LDB3: variants seen among roughly 807,000 people sequenced by gnomAD.
The protein encoded by LDB3 is LIM domain-binding protein 3.
A neutral mutation model predicts 69.0 loss-of-function variants in LDB3; 49 were observed. The observed-to-expected ratio is 0.71, with a 90% CI of 0.56 to 0.90. The LOEUF is 0.90. Ranked by LOEUF, LDB3 falls within the 40% of genes least tolerant of loss-of-function variation. LDB3 has a pLI of 0.00. For missense variants in LDB3, 928 were observed against 974.1 expected, an observed-to-expected ratio of 0.95 and a Z score of 0.63; for synonymous variants, 387 against 396.2, an observed-to-expected ratio of 0.98 and a Z score of 0.28.
upstream of LDB3, chr10:86,666,884 G>T (rs1381860359): frequency 2.1e-6 from 1 of 469,412 alleles, no homozygotes. Flanking sequence ...CCTGAGGGTG[G>T]GTGCCTTCCT....
At position 86,718,058 on chromosome 10, in the gene LDB3, GA is replaced by G. The variant is rs776530913; in HGVS notation, c.1773del (p.Glu592SerfsTer30). The G allele has an allele frequency of 6.2e-7, 1 of 1,614,170 alleles. No individual in the cohort carries two copies. The highest frequency in any genetic ancestry group is 1.3e-5 in the African/African-American group (1 of 75,028). ...TTCCCTGGCAGATGTGTGCTTTGTG[GA>G]AGAGCAGAACAACGTTTACTGTGAG... ...KTSLADVCFV[E>X]EQNNVYCERC... On this transcript the variant is annotated frameshift_variant, in exon 11 of 14. Coordinates refer to ENST00000361373, the MANE Select transcript of LDB3 (RefSeq NM_007078.3). LOFTEE classifies it high-confidence loss of function.
intron 5 of LDB3, among the ~76,000 whole-genome samples, chr10:86,686,818 A>AAG (rs1218755071): frequency 6.6e-5 from 10 of 150,944 alleles, no homozygotes; most frequent in East Asian, 1.9e-4. Flanking sequence ...AAAAAAAAAA[A>AAG]AAAGAAAGAA....
At chr10:86,722,961 T>C (rs1847132811) in intron 12 of LDB3, among the ~76,000 whole-genome samples, 1 of 152,100 alleles carries the variant, frequency 6.6e-6, no homozygotes, top group South Asian at 2.1e-4. Flanking sequence ...ATTTAATTTT[T>C]ATATTTATTT....
intron 13 of LDB3, 92 bp from the exon 14 acceptor site, chr10:86,732,795 C>A (rs768712576): frequency 1.0e-5 from 10 of 990,488 alleles, no homozygotes; most frequent in African/African-American, 1.6e-5. Flanking sequence ...TGAGCCACCA[C>A]GCCTGGCCAG....
chr10:86,700,812 T>G (rs947360537), intron 7 of LDB3, among the ~76,000 whole-genome samples: 1 of 152,216 alleles, frequency 6.6e-6, no homozygotes, highest in Non-Finnish European at 1.5e-5. Flanking sequence ...AAGTACCCCA[T>G]GATGGCAAAG....
At chr10:86,704,577 A>AT (rs59411676) in intron 7 of LDB3, among the ~76,000 whole-genome samples, 34,537 of 111,498 alleles carry the variant, frequency 0.31, 6,660 homozygotes, top group East Asian at 0.64. Flanking sequence ...GCCCAGCTAA[A>AT]TTTTTTTTTT....
rs1160637050 is a variant in LDB3, at chr10:86,734,114, A to C, written c.*1138A>C. On this transcript the variant is annotated 3_prime_UTR_variant, in exon 14 of 14. Transcript: ENST00000361373. The stretch of plus-strand genomic sequence containing the variant: ...CTTCAGGTCTGCATCATCCTTTTCA[A>C]ATGTTCCTTTAAATGCAGCACACTG... The C allele has an allele frequency of 6.6e-6, 1 of 152,244 alleles. No individual in the cohort carries two copies. Among genetic ancestry groups the C allele is most frequent in the Non-Finnish European group, 1.5e-5 (1 of 68,044 alleles). 9.4% of individuals were successfully genotyped at this position (152,244 alleles called of 1,614,324 possible). A position where few individuals can be genotyped will look rare whatever the true frequency, so the allele number is the denominator to read the frequency against.
upstream of LDB3, chr10:86,668,445 G>A: frequency 1.7e-6 from 1 of 597,602 alleles, no homozygotes; most frequent in Non-Finnish European, 3.1e-6. Flanking sequence ...CACAGTGTAG[G>A]GTTACAGTCC....
intron 10 of LDB3, 133 bp downstream of exon 10, chr10:86,716,904 T>A: frequency 1.0e-6 from 1 of 961,454 alleles, no homozygotes; most frequent in Non-Finnish European, 1.6e-6. Flanking sequence ...CGGGTCCTTC[T>A]GGCTTGCCAT....
At chr10:86,669,147 C>T (rs1032950842) in intron 2 of LDB3, among the ~76,000 whole-genome samples, 8 of 152,236 alleles carry the variant, frequency 5.3e-5, no homozygotes, top group Middle Eastern at 6.8e-3. Flanking sequence ...TGAGCATTTC[C>T]CTAGATATGG....
At chr10:86,668,619 G>A (rs901275943) in intron 1 of LDB3, 49 bp downstream of exon 1, 34 of 1,174,530 alleles carry the variant, frequency 2.9e-5, no homozygotes, top group Admixed American at 2.2e-4. Flanking sequence ...CCGGGCAGGC[G>A]GAGTGCCTGA....
intron 8 of LDB3, among the ~76,000 whole-genome samples, chr10:86,707,089 C>A (rs890718020): frequency 2.0e-5 from 3 of 152,100 alleles, no homozygotes; most frequent in Non-Finnish European, 4.4e-5. Context: ...TGGAAAAAGT[C>A]TTTGTTCCTG....
chr10:86,672,869 C>T lies in LDB3; in HGVS notation c.93+4085C>T, dbSNP rs569907527. On this transcript the variant is annotated intron_variant, in intron 2 of 13. Coordinates refer to ENST00000361373, the MANE Select transcript of LDB3 (RefSeq NM_007078.3). ...AGCTGCATAAGCAGCCCCAGGGCTCCGGGCCTACAGATATTGTGGGGTAGC... is the reference window on the plus strand; with the variant it reads ...AGCTGCATAAGCAGCCCCAGGGCTCTGGGCCTACAGATATTGTGGGGTAGC... Among the ~76,000 whole-genome samples the T allele has an allele frequency of 2.7e-3, 412 of 152,350 alleles. 1 individual carries two copies. The highest frequency in any genetic ancestry group is 5.2e-3 in the Non-Finnish European group (357 of 68,030).
At chr10:86,703,503 G>A (rs1846337179) in intron 7 of LDB3, among the ~76,000 whole-genome samples, 1 of 152,232 alleles carries the variant, frequency 6.6e-6, no homozygotes, top group African/African-American at 2.4e-5. Context: ...TGGGCAGGAT[G>A]TAACCACTGC....
chr10:86,723,244 T>C (rs907504349), intron 12 of LDB3, among the ~76,000 whole-genome samples: 10 of 132,338 alleles, frequency 7.6e-5, no homozygotes, highest in African/African-American at 3.0e-4. Context: ...CACTCCATCC[T>C]GTGTGACAGA....
In LDB3 at chr10:86,706,526, A is replaced by C. The variant is rs1279353433; in HGVS notation, c.897-5A>C. The C allele has an allele frequency of 6.2e-7, 1 of 1,612,046 alleles. No individual in the cohort carries two copies. Among genetic ancestry groups the C allele is most frequent in the Non-Finnish European group, 8.5e-7 (1 of 1,179,946 alleles). On this transcript the variant is annotated splice_polypyrimidine_tract_variant and splice_region_variant and intron_variant, in intron 7 of 13. Coordinates refer to ENST00000361373, the MANE Select transcript of LDB3 (RefSeq NM_007078.3). ...CCTGTTGTCTTTTTGGTCCCGCCTC[A>C]TCAGCACCCCTATTGAGCATGCGCC... is the stretch of plus-strand genomic sequence containing the variant.
upstream of LDB3, among the ~76,000 whole-genome samples, chr10:86,668,256 G>A (rs1266033358): frequency 3.9e-5 from 6 of 152,330 alleles, no homozygotes; most frequent in East Asian, 9.7e-4. Flanking sequence ...TGGGCAGGAA[G>A]AGCGAGTGTC....
chr10:86,726,636 G>A lies in LDB3; in HGVS notation c.2094+384G>A, dbSNP rs531288857. Among the ~76,000 whole-genome samples the A allele has an allele frequency of 4.6e-5, 7 of 152,164 alleles. No individual in the cohort carries two copies. The East Asian group carries it at 1.2e-3, about 25-fold the overall frequency. On this transcript the variant is annotated intron_variant, in intron 13 of 13. Coordinates refer to ENST00000361373, the MANE Select transcript of LDB3 (RefSeq NM_007078.3). ...TCAGATATGATGGAGTGACTTGAAGGTTTTCCCCTCCAAATTGTTACCCCA... is the reference window on the plus strand; with the variant it reads ...TCAGATATGATGGAGTGACTTGAAGATTTTCCCCTCCAAATTGTTACCCCA...
In LDB3 at chr10:86,699,938, AGGTG is replaced by A; in HGVS notation, c.897-6590_897-6587del. On this transcript the variant is annotated intron_variant, in intron 7 of 13. Transcript: ENST00000361373. The surrounding 1 kb of genome is among the most constrained non-coding windows in gnomAD (Gnocchi z 4.9). ...GCAGAGACCCCTCCTGGCAGTGGTG[AGGTG>A]GGGGCATGCACCCTCCTTTCTGTAC... 2.0e-6 allele frequency: 2 copies of A among 1,004,102 alleles called. No homozygotes were observed. Among genetic ancestry groups the A allele is most frequent in the South Asian group, 8.6e-5 (2 of 23,182 alleles). 62.2% of individuals were successfully genotyped at this position (1,004,102 alleles called of 1,614,324 possible). A position where few individuals can be genotyped will look rare whatever the true frequency, so the allele number is the denominator to read the frequency against.
Sources: allele counts gnomAD v4.1 joint callset (sites outside exome capture counted in the v4.1 genomes callset), GRCh38; gene constraint gnomAD v4.1.1; non-coding constraint Gnocchi (gnomAD v3.1); transcripts MANE v1.5; gene names NCBI Gene and HGNC (gene_info 2026-07-23, HGNC 2026-07-21).